The following JAK2 variants were observed in gnomAD, a reference collection of about 807,000 sequenced individuals.
The protein encoded by JAK2 is Janus kinase 2.
In JAK2, 86 loss-of-function variants were observed where a neutral mutation model predicts 139.3. That is an observed-to-expected ratio of 0.62 (90% CI 0.52 to 0.74). The LOEUF (loss-of-function observed/expected upper bound fraction) is 0.74. JAK2 is among the 30% of genes least tolerant of loss of function. The pLI, the probability that JAK2 is intolerant of heterozygous loss-of-function variation, is 0.00. For synonymous variants in JAK2, 490 were observed against 437.7 expected (o/e 1.12, Z -1.49); for missense variants, 1,421 against 1,360.3 (o/e 1.04, Z -0.70).
intron 22 of JAK2, chr9:5,099,789 C>T (rs942126225): frequency 6.6e-6 from 1 of 152,204 alleles, no homozygotes; most frequent in African/African-American, 2.4e-5. Context: ...TAATTATCTT[C>T]ACTGCCTCAA....
chr9:5,052,995 T>C (rs1817524852), intron 6 of JAK2, among the ~76,000 whole-genome samples: 1 of 152,062 alleles, frequency 6.6e-6, no homozygotes, highest in Non-Finnish European at 1.5e-5. Context: ...TTTTTTCATT[T>C]TTTCTTGTGC....
In JAK2 at chr9:5,054,602, C is replaced by T; in HGVS notation, c.654C>T (p.Ile218=). ...TACCAAAATGTATTCGAGCAAAGAT[C>T]CAAGACTATCATATTTTGACAAGGA... is the stretch of plus-strand genomic sequence containing the variant. ...TFLPKCIRAK[I]QDYHILTRKR... Residue 218 remains isoleucine (I), a synonymous_variant, in exon 7 of 25, where the codon ATC becomes ATT. Coordinates refer to ENST00000381652, the MANE Select transcript of JAK2 (RefSeq NM_004972.4). The surrounding 1 kb of genome is among the most constrained non-coding windows in gnomAD (Gnocchi z 4.9). 1 of 1,610,644 alleles carries T rather than the reference C, an allele frequency of 6.2e-7. No individual in the cohort carries two copies. Among genetic ancestry groups the T allele is most frequent in the South Asian group, 1.1e-5 (1 of 90,578 alleles).
At position 5,044,428 on chromosome 9, in the gene JAK2, A is replaced by G. The variant is rs746923735; in HGVS notation, c.376A>G (p.Ser126Gly). 1.2e-6 allele frequency: 2 copies of G among 1,611,920 alleles called. No individual in the cohort carries two copies. Among genetic ancestry groups the G allele is most frequent in the East Asian group, 2.2e-5 (1 of 44,830 alleles). ...ATTTTACTTTCCTCGTTGGTATTGC[A>G]GTGGCAGCAACAGAGCCTATCGGCA... is the stretch of plus-strand genomic sequence containing the variant. ...IRFYFPRWYC[S>G]GSNRAYRHGI... is the part of the protein sequence containing the mutation. The change falls in exon 5 of 25, where the codon AGT (serine) becomes GGT (glycine). Residue 126 changes from serine (S) to glycine (G), a missense_variant. Coordinates refer to ENST00000381652, the MANE Select transcript of JAK2 (RefSeq NM_004972.4).
intron 4 of JAK2, among the ~76,000 whole-genome samples, chr9:5,034,546 C>T (rs1035270332): frequency 2.6e-5 from 4 of 151,984 alleles, no homozygotes; most frequent in African/African-American, 9.7e-5. Flanking sequence ...GTCTCTCAGA[C>T]CACAGTGCAA....
intron 4 of JAK2, chr9:5,041,332 C>G (rs995301144): frequency 9.9e-6 from 7 of 704,326 alleles, no homozygotes; most frequent in Non-Finnish European, 1.7e-5. Context: ...AGCACAAGAG[C>G]TTGACAGGTA....
chr9:5,009,050 A>G (rs1017066401), intron 2 of JAK2, among the ~76,000 whole-genome samples: 2 of 152,130 alleles, frequency 1.3e-5, no homozygotes, highest in African/African-American at 4.8e-5. Flanking sequence ...TCTTTAATGT[A>G]TAGAGAATTT....
At chr9:5,109,748 T>A (rs1822282751) in intron 22 of JAK2, 1 of 152,222 alleles carries the variant, frequency 6.6e-6, no homozygotes, top group Non-Finnish European at 1.5e-5. Flanking sequence ...ATAATATTTA[T>A]TCTAGTAGCA....
chr9:5,047,859 C>T (rs1047630450), intron 5 of JAK2, among the ~76,000 whole-genome samples: 2 of 152,010 alleles, frequency 1.3e-5, no homozygotes, highest in African/African-American at 4.8e-5. Context: ...CCTCAGCCTC[C>T]CAAAGTGCTG....
intron 22 of JAK2, among the ~76,000 whole-genome samples, chr9:5,122,767 AC>A (rs1823709776): frequency 6.6e-6 from 1 of 152,038 alleles, no homozygotes; most frequent in African/African-American, 2.4e-5. Flanking sequence ...TATTGTTTGT[AC>A]AAACAATCTA....
At chr9:5,077,850 A>G (rs931775929) in intron 15 of JAK2, among the ~76,000 whole-genome samples, 10 of 152,198 alleles carry the variant, frequency 6.6e-5, no homozygotes, top group African/African-American at 1.2e-4. Context: ...AGAAAATTCA[A>G]CCAAAAATTA....
At position 5,080,515 on chromosome 9, in the gene JAK2, G is replaced by A. The variant is rs940646873; in HGVS notation, c.2284-18G>A. ...GCATTACACAATTTATTCTCAGTTT[G>A]TGGTTCTTTAATTATAGAAGCTACA... On this transcript the variant is annotated intron_variant, in intron 17 of 24. Transcript: ENST00000381652. The A allele has an allele frequency of 6.4e-7, 1 of 1,571,430 alleles. No individual in the cohort carries two copies. The highest frequency in any genetic ancestry group is 1.4e-5 in the African/African-American group (1 of 72,360).
At chr9:5,008,235 A>C (rs928354401) in intron 2 of JAK2, among the ~76,000 whole-genome samples, 1 of 152,118 alleles carries the variant, frequency 6.6e-6, no homozygotes, top group African/African-American at 2.4e-5. Context: ...TCCATTGTTT[A>C]TGTTTTGAAT....
chr9:5,004,881 C>T (rs566465703), intron 2 of JAK2, among the ~76,000 whole-genome samples: 1 of 148,952 alleles, frequency 6.7e-6, no homozygotes, highest in East Asian at 1.9e-4. Flanking sequence ...TGATGTTGAA[C>T]GTTTTTTCAT....
At chr9:5,051,288 A>G (rs1347930947) in intron 6 of JAK2, among the ~76,000 whole-genome samples, 1 of 152,158 alleles carries the variant, frequency 6.6e-6, no homozygotes, top group Non-Finnish European at 1.5e-5. Flanking sequence ...ATTTATTCTG[A>G]GAAGGCTAGG....
chr9:5,014,540 C>T (rs1181144923), intron 2 of JAK2, among the ~76,000 whole-genome samples: 2 of 152,130 alleles, frequency 1.3e-5, no homozygotes, highest in Non-Finnish European at 2.9e-5. Context: ...AATATCAGAA[C>T]AGCTGTGGCC....
intron 4 of JAK2, among the ~76,000 whole-genome samples, chr9:5,042,129 T>C (rs1044972674): frequency 2.2e-4 from 14 of 64,538 alleles, no homozygotes; most frequent in South Asian, 5.0e-4. Context: ...AATTTCTTTT[T>C]TTTTTTTTTT....
At chr9:5,024,790 G>A (rs1822671799) in intron 3 of JAK2, among the ~76,000 whole-genome samples, 2 of 152,156 alleles carry the variant, frequency 1.3e-5, no homozygotes, top group South Asian at 2.1e-4. Context: ...TGGAACATAG[G>A]TGTGCTCTTT....
intron 2 of JAK2, among the ~76,000 whole-genome samples, chr9:5,020,335 C>T (rs551611903): frequency 1.3e-5 from 2 of 152,220 alleles, no homozygotes; most frequent in East Asian, 1.9e-4. Context: ...GATCCCAAGG[C>T]CCCCAGATAA....
intron 22 of JAK2, chr9:5,110,730 T>A (rs1822411397): frequency 1.4e-5 from 5 of 362,144 alleles, no homozygotes; most frequent in South Asian, 1.1e-4. Flanking sequence ...CTGGCTATAG[T>A]ACCCGTGTTA....
Sources: gnomAD v4.1 joint callset for allele counts (sites outside exome capture counted in the v4.1 genomes callset) on GRCh38, gnomAD v4.1.1 for gene constraint, Gnocchi (gnomAD v3.1) non-coding constraint, MANE v1.5 for transcripts, NCBI Gene and HGNC (gene_info 2026-07-23, HGNC 2026-07-21) for gene names.